Variants in MACROD2 observed in about 807,000 individuals in gnomAD.
The protein encoded by MACROD2 is mono-ADP ribosylhydrolase 2.
Under a neutral mutation model 70.4 loss-of-function variants are expected in MACROD2, and 36 were observed. That is an observed-to-expected ratio of 0.51 (90% CI 0.39 to 0.68). The LOEUF (loss-of-function observed/expected upper bound fraction) is 0.68, where lower values mean the gene tolerates loss of function less well. Ranked by LOEUF, MACROD2 falls within the 30% of genes least tolerant of loss-of-function variation. The pLI, the probability that MACROD2 is intolerant of heterozygous loss-of-function variation, is 0.00. For synonymous variants in MACROD2, 172 were observed against 178.8 expected, an observed-to-expected ratio of 0.96 and a Z score of 0.30; for missense variants, 496 against 538.4, an observed-to-expected ratio of 0.92 and a Z score of 0.78.
intron 4 of MACROD2, among the ~76,000 whole-genome samples, chr20:14,555,761 G>A (rs928920662): frequency 6.6e-6 from 1 of 152,022 alleles, no homozygotes; most frequent in African/African-American, 2.4e-5. Flanking sequence ...TTGTGCTCTA[G>A]CTTATACATG....
At chr20:16,021,254 C>T (rs1189752614) in intron 15 of MACROD2, among the ~76,000 whole-genome samples, 1 of 152,186 alleles carries the variant, frequency 6.6e-6, no homozygotes, top group Non-Finnish European at 1.5e-5. Context: ...CCACAGCCTC[C>T]ATGACTCATG....
chr20:14,605,250 G>A (rs1242951825), intron 4 of MACROD2, among the ~76,000 whole-genome samples: 1 of 152,132 alleles, frequency 6.6e-6, no homozygotes, highest in Non-Finnish European at 1.5e-5. Flanking sequence ...GTGTTGGCAG[G>A]TTTGGTTCCT....
At chr20:15,052,025 A>G (rs2075446259) in intron 5 of MACROD2, among the ~76,000 whole-genome samples, 1 of 152,184 alleles carries the variant, frequency 6.6e-6, no homozygotes, top group Non-Finnish European at 1.5e-5. Context: ...TGCTGGGATC[A>G]CAGGTGTAAG....
intron 4 of MACROD2, among the ~76,000 whole-genome samples, chr20:14,591,525 C>A (rs1303367549): frequency 6.6e-6 from 1 of 152,220 alleles, no homozygotes; most frequent in Non-Finnish European, 1.5e-5. Context: ...GTGCTTAAAT[C>A]TGGCCACCTC....
chr20:15,346,887 T>A (rs549774775), intron 6 of MACROD2, among the ~76,000 whole-genome samples: 1 of 152,104 alleles, frequency 6.6e-6, no homozygotes, highest in Non-Finnish European at 1.5e-5. Context: ...GGGAGTATAT[T>A]TAGTCTGAAA....
intron 5 of MACROD2, among the ~76,000 whole-genome samples, chr20:15,050,002 T>A (rs2075426606): frequency 6.6e-6 from 1 of 151,776 alleles, no homozygotes; most frequent in Non-Finnish European, 1.5e-5. Context: ...GTCTTCATAA[T>A]CTACCTGTGT....
intron 5 of MACROD2, among the ~76,000 whole-genome samples, chr20:15,090,501 T>C (rs1381969687): frequency 6.6e-6 from 1 of 152,130 alleles, no homozygotes; most frequent in Non-Finnish European, 1.5e-5. Flanking sequence ...TTCATGCAAT[T>C]GGCCTATTTA....
intron 3 of MACROD2, among the ~76,000 whole-genome samples, chr20:14,275,278 C>T (rs1000441005): frequency 3.9e-5 from 6 of 152,172 alleles, no homozygotes; most frequent in African/African-American, 1.4e-4. Flanking sequence ...GGTACCCAAA[C>T]AGAGATATAG....
At chr20:15,466,843 T>G (rs543966359) in intron 7 of MACROD2, among the ~76,000 whole-genome samples, 124 of 152,322 alleles carry the variant, frequency 8.1e-4, no homozygotes, top group African/African-American at 2.8e-3. Flanking sequence ...TAAAGACTCT[T>G]TAAGGTTTCC....
chr20:14,322,669 A>G lies in MACROD2; in HGVS notation c.272-170810A>G, dbSNP rs565926065. ...TTTGAAGACAGCAAACAAATAATTA[A>G]TAAGATTTCATAGTCACTTGGAGAT... is the stretch of plus-strand genomic sequence containing the variant. On this transcript the variant is annotated intron_variant, in intron 3 of 17. Coordinates refer to ENST00000684519, the MANE Select transcript of MACROD2 (RefSeq NM_001351661.2). Among the ~76,000 whole-genome samples the G allele has an allele frequency of 2.6e-5, 4 of 152,316 alleles. No individual in the cohort carries two copies. In the East Asian group the frequency reaches 7.7e-4, roughly 29 times the overall value.
intron 5 of MACROD2, among the ~76,000 whole-genome samples, chr20:15,122,309 T>C (rs1167689166): frequency 2.6e-5 from 4 of 152,174 alleles, no homozygotes; most frequent in Non-Finnish European, 5.9e-5. Context: ...TCCACCATTA[T>C]TGGTGCCCTC....
At chr20:15,773,687 TTTG>T (rs1411682807) in intron 8 of MACROD2, among the ~76,000 whole-genome samples, 5 of 152,228 alleles carry the variant, frequency 3.3e-5, no homozygotes, top group Admixed American at 6.5e-5. Flanking sequence ...TGTTTATAGT[TTTG>T]TTGTTGTTGT....
chr20:14,282,425 T>A (rs2082313293), intron 3 of MACROD2, among the ~76,000 whole-genome samples: 1 of 152,180 alleles, frequency 6.6e-6, no homozygotes, highest in South Asian at 2.1e-4. Flanking sequence ...GTCTGCTGGA[T>A]GGTCAGTGTT....
chr20:15,586,212 G>A (rs1011146969), intron 8 of MACROD2, among the ~76,000 whole-genome samples: 1 of 152,096 alleles, frequency 6.6e-6, no homozygotes, highest in Non-Finnish European at 1.5e-5. Flanking sequence ...CCTTGTTAAG[G>A]CCACACATTA....
chr20:14,513,567 G>T (rs991729309), intron 4 of MACROD2, among the ~76,000 whole-genome samples: 1 of 151,972 alleles, frequency 6.6e-6, no homozygotes, highest in Admixed American at 6.6e-5. Context: ...CAAATTATAG[G>T]TGGGGGCTCA....
intron 5 of MACROD2, among the ~76,000 whole-genome samples, chr20:14,774,269 A>C (rs369805603): frequency 2.0e-5 from 3 of 151,936 alleles, no homozygotes; most frequent in African/African-American, 7.3e-5. Context: ...TCAATAAATG[A>C]TTTTTTTCTC....
At chr20:15,964,891 G>A in intron 12 of MACROD2, among the ~76,000 whole-genome samples, 1 of 152,162 alleles carries the variant, frequency 6.6e-6, no homozygotes, top group South Asian at 2.1e-4. Flanking sequence ...CTTTATTGAT[G>A]TGTGTGGAGG....
chr20:14,764,504 A>AT (rs1380132822), intron 5 of MACROD2, among the ~76,000 whole-genome samples: 1 of 151,734 alleles, frequency 6.6e-6, no homozygotes, highest in Non-Finnish European at 1.5e-5. Flanking sequence ...GGAGAAAAAA[A>AT]CTCTTACAAG....
intron 8 of MACROD2, among the ~76,000 whole-genome samples, chr20:15,677,376 G>T (rs545974550): frequency 1.2e-4 from 18 of 152,088 alleles, no homozygotes; most frequent in Admixed American, 1.2e-3. Flanking sequence ...TGCGGTGGTG[G>T]GGGGAAGTGG....
Sources: gnomAD v4.1 joint callset for allele counts (sites outside exome capture counted in the v4.1 genomes callset) on GRCh38, gnomAD v4.1.1 for gene constraint, MANE v1.5 for transcripts, NCBI Gene and HGNC (gene_info 2026-07-23, HGNC 2026-07-21) for gene names.